Variants in VRK2 observed in about 807,000 individuals in gnomAD.
VRK2 encodes the protein serine/threonine-protein kinase VRK2.
A neutral mutation model predicts 57.6 loss-of-function variants in VRK2; 60 were observed. The observed-to-expected ratio is 1.04, with a 90% CI of 0.85 to 1.29. VRK2 has a LOEUF of 1.29. VRK2 is among the 50% of genes most tolerant of loss of function. The pLI, the probability that VRK2 is intolerant of heterozygous loss-of-function variation, is 0.00. For synonymous variants in VRK2, 231 were observed against 199.2 expected (o/e 1.16, Z -1.35); for missense variants, 705 against 588.1 (o/e 1.20, Z -2.06).
At chr2:58,003,679 A>G (rs770016971) in intron 1 of VRK2, among the ~76,000 whole-genome samples, 7 of 152,146 alleles carry the variant, frequency 4.6e-5, no homozygotes, top group Non-Finnish European at 1.0e-4. Flanking sequence ...AAAACAGTGC[A>G]TTGCATTCTC....
chr2:58,040,917 AC>A (rs1337925343), intron 3 of VRK2: 1 of 583,864 alleles, frequency 1.7e-6, no homozygotes, highest in Non-Finnish European at 2.2e-6. Flanking sequence ...AACATGACTT[AC>A]ATGACACACA....
At chr2:58,044,387 T>C (rs1159971898), upstream of VRK2, among the ~76,000 whole-genome samples, 1 of 152,224 alleles carries the variant, frequency 6.6e-6, no homozygotes, top group Non-Finnish European at 1.5e-5. Context: ...GGGGCCAGCA[T>C]GGTTCATTTA....
intron 1 of VRK2, among the ~76,000 whole-genome samples, chr2:58,014,831 T>G (rs1457972738): frequency 6.6e-6 from 1 of 152,236 alleles, no homozygotes; most frequent in African/African-American, 2.4e-5. Flanking sequence ...AAGAGTATTA[T>G]TGTGTAGGTG....
At chr2:58,126,079 C>CT (rs1301728425) in intron 8 of VRK2, among the ~76,000 whole-genome samples, 1 of 151,640 alleles carries the variant, frequency 6.6e-6, no homozygotes, top group African/African-American at 2.4e-5. Flanking sequence ...TCAGAAAAAT[C>CT]TTTTTTTCAG....
intron 1 of VRK2, among the ~76,000 whole-genome samples, chr2:57,971,634 G>A (rs1234707458): frequency 6.6e-6 from 1 of 151,508 alleles, no homozygotes; most frequent in Admixed American, 6.6e-5. Flanking sequence ...CCTCTGGGAG[G>A]CTCACAATTC....
chr2:58,046,623 C>G (rs894789989), upstream of VRK2: 32 of 985,506 alleles, frequency 3.2e-5, no homozygotes, highest in Non-Finnish European at 3.9e-5. Flanking sequence ...CCTCTCCTTC[C>G]CCTGGGCGTC....
At chr2:58,122,656 C>T (rs986853435) in intron 7 of VRK2, among the ~76,000 whole-genome samples, 1 of 152,118 alleles carries the variant, frequency 6.6e-6, no homozygotes, top group East Asian at 1.9e-4. Context: ...CAGTTCAAAC[C>T]CATGTTGTTC....
At chr2:58,049,527 G>C (rs1343755407) in intron 2 of VRK2, among the ~76,000 whole-genome samples, 1 of 152,108 alleles carries the variant, frequency 6.6e-6, no homozygotes, top group East Asian at 1.9e-4. Context: ...GTGATCTGTG[G>C]TACAGGTAAG....
intron 2 of VRK2, among the ~76,000 whole-genome samples, chr2:58,069,532 G>A (rs1457169071): frequency 2.0e-5 from 3 of 152,090 alleles, no homozygotes; most frequent in Admixed American, 6.6e-5. Flanking sequence ...CCATGCACCT[G>A]TGTCTGCGGA....
At chr2:57,909,747 C>T (rs1446611499) in intron 1 of VRK2, among the ~76,000 whole-genome samples, 1 of 151,990 alleles carries the variant, frequency 6.6e-6, no homozygotes, top group African/African-American at 2.4e-5. Flanking sequence ...TTAATAAATT[C>T]CTTCTAACTC....
chr2:58,022,977 T>C (rs1248516099), intron 1 of VRK2, among the ~76,000 whole-genome samples: 2 of 152,212 alleles, frequency 1.3e-5, no homozygotes, highest in South Asian at 4.1e-4. Context: ...TGGTAAAATA[T>C]ACATAACATA....
chr2:58,067,321 T>C (rs150232797), intron 2 of VRK2, among the ~76,000 whole-genome samples: 6 of 152,288 alleles, frequency 3.9e-5, no homozygotes, highest in African/African-American at 1.4e-4. Flanking sequence ...ATGTGAATCC[T>C]TAATACACTC....
chr2:58,102,871 A>C (rs114312379), intron 7 of VRK2, among the ~76,000 whole-genome samples: 2,559 of 151,844 alleles, frequency 0.017, 53 homozygotes, highest in Middle Eastern at 0.031. Context: ...AAAAATCAAA[A>C]TCATATCAAG....
At chr2:58,001,116 G>A (rs577922740) in intron 1 of VRK2, among the ~76,000 whole-genome samples, 3 of 152,146 alleles carry the variant, frequency 2.0e-5, no homozygotes, top group East Asian at 3.9e-4. Flanking sequence ...AGAAGCAGAT[G>A]GAATAAAAAA....
chr2:57,968,631 G>C (rs1433015834), intron 1 of VRK2, among the ~76,000 whole-genome samples: 1 of 151,976 alleles, frequency 6.6e-6, no homozygotes, highest in Non-Finnish European at 1.5e-5. Flanking sequence ...TGTTATCAGA[G>C]AATATACCAT....
At chr2:58,072,642 AT>A (rs1267327662) in intron 2 of VRK2, among the ~76,000 whole-genome samples, 1 of 151,976 alleles carries the variant, frequency 6.6e-6, no homozygotes, top group Non-Finnish European at 1.5e-5. Flanking sequence ...CTTTTTATGC[AT>A]TGATGGATTT....
chr2:57,994,794 C>T (rs917058170), intron 1 of VRK2, among the ~76,000 whole-genome samples: 1 of 151,842 alleles, frequency 6.6e-6, no homozygotes, highest in African/African-American at 2.4e-5. Flanking sequence ...AAACAATAAA[C>T]TCATTATATG....
intron 12 of VRK2, among the ~76,000 whole-genome samples, chr2:58,151,731 GTT>G (rs60379025): frequency 2.4e-4 from 4 of 16,722 alleles, no homozygotes; most frequent in Non-Finnish European, 3.0e-4. Flanking sequence ...TTCTATGCTT[GTT>G]TTTTTTTTTT....
intron 12 of VRK2, chr2:58,159,115 G>A (rs985045682): frequency 1.4e-5 from 5 of 352,190 alleles, no homozygotes; most frequent in African/African-American, 6.3e-5. Context: ...GCCTACTGAC[G>A]TGGTTTAAAA....
Sources: allele counts gnomAD v4.1 joint callset (sites outside exome capture counted in the v4.1 genomes callset), GRCh38; gene constraint gnomAD v4.1.1; transcripts MANE v1.5; gene names NCBI Gene and HGNC (gene_info 2026-07-23, HGNC 2026-07-21).